SCRIB: variants seen among roughly 807,000 people sequenced by gnomAD.
SCRIB encodes the protein scribble planar cell polarity protein, also known as protein scribble homolog.
In SCRIB, 72 loss-of-function variants were observed where a neutral mutation model predicts 170.0. The ratio of observed to expected loss-of-function variants is 0.42; its 90% CI spans 0.35 to 0.52. The LOEUF (loss-of-function observed/expected upper bound fraction) is 0.52, where lower values mean the gene tolerates loss of function less well. SCRIB is among the 20% of genes least tolerant of loss of function. SCRIB has a pLI of 0.02. For missense variants in SCRIB, 2,475 were observed against 2,338.5 expected (o/e 1.06, Z -1.20); for synonymous variants, 1,298 against 1,044.3 (o/e 1.24, Z -4.68).
chr8:143,801,252 G>T (rs1554634936), intron 24 of SCRIB, among the ~76,000 whole-genome samples: 1 of 152,192 alleles, frequency 6.6e-6, no homozygotes, highest in Non-Finnish European at 1.5e-5. Context: ...TCCAGGGCTG[G>T]GCATGGGGAC....
chr8:143,796,615 G>A (rs1554634157), intron 24 of SCRIB, among the ~76,000 whole-genome samples: 1 of 152,184 alleles, frequency 6.6e-6, no homozygotes, highest in Non-Finnish European at 1.5e-5. Context: ...CGCTCAACAA[G>A]GAAGCAGCTA....
Position 143,804,747 on chromosome 8 carries a change from G to A in SCRIB, c.2830C>T (p.Leu944=), listed in dbSNP as rs1162533023. The change falls in exon 21 of 37, where the codon CTG becomes TTG. Residue 944 remains leucine (L), a synonymous_variant. Coordinates refer to ENST00000356994, the MANE Select transcript of SCRIB (RefSeq NM_182706.5). The part of the protein sequence containing the change: ...LLTAASPTIA[L]LLEREAGGPL... The stretch of plus-strand genomic sequence containing the variant: ...CCCCCAGCCTCCCGCTCCAACAGCA[G>A]GGCGATGGTGGGGGAGGCAGCGGTC... 6 of 1,603,210 alleles carry A rather than the reference G, an allele frequency of 3.7e-6. No homozygotes were observed. In the African/African-American group the frequency reaches 6.7e-5, roughly 18 times the overall value.
intron 28 of SCRIB, 107 bp from the exon 29 acceptor site, chr8:143,793,190 A>G: frequency 1.7e-6 from 1 of 599,260 alleles, no homozygotes; most frequent in South Asian, 2.8e-5. Flanking sequence ...CCTGCCTTTG[A>G]TCCCCACCCA....
Position 143,805,354 on chromosome 8 carries a change from G to A in SCRIB, c.2428C>T (p.Arg810Ter). Residue 810 changes from arginine (R) to a stop codon, truncating the protein, a stop_gained, in exon 19 of 37, where the codon CGA becomes TGA. Transcript: ENST00000356994. LOFTEE classifies it high-confidence loss of function. ...LRGAGTAVQM[R>*]VWRERMVEPE... ...TCCACCATGCGCTCCCGCCACACTC[G>A]CATCTGCACGGCAGTGCCGGCCCCC... The A allele has an allele frequency of 6.4e-7, 1 of 1,551,806 alleles. No homozygotes were observed. The highest frequency in any genetic ancestry group is 8.7e-7 in the Non-Finnish European group (1 of 1,154,754).
rs1361424640 is a variant in SCRIB at position 143,791,748 on chromosome 8, G to T, written c.4696-8C>A. 1 of 1,596,004 alleles carries T rather than the reference G, an allele frequency of 6.3e-7. No individual in the cohort carries two copies. The highest frequency in any genetic ancestry group is 8.6e-7 in the Non-Finnish European group (1 of 1,166,024). On this transcript the variant is annotated splice_polypyrimidine_tract_variant and splice_region_variant and intron_variant, in intron 34 of 36. Coordinates refer to ENST00000356994, the MANE Select transcript of SCRIB (RefSeq NM_182706.5). ...CTTCTTTCCAGACAAGGGCTTGAAA[G>T]GACAGCGTGAGGGGAGAGGCAGAGA...
In SCRIB at chr8:143,815,098, T is replaced by C. The variant is rs1377437749; in HGVS notation, c.159+116A>G. On this transcript the variant is annotated intron_variant, in intron 1 of 36. Coordinates refer to ENST00000356994, the MANE Select transcript of SCRIB (RefSeq NM_182706.5). ...CTGGCTGGGGTGGGGACCTGGCCAG[T>C]GCAAACCAGCAGGGCCGGCTGGAGG... The C allele has an allele frequency of 3.3e-5, 42 of 1,268,770 alleles. No individual in the cohort carries two copies. In the East Asian group the frequency reaches 1.3e-3, roughly 38 times the overall value. 78.6% of individuals were successfully genotyped at this position (1,268,770 alleles called of 1,614,324 possible). A position where few individuals can be genotyped will look rare whatever the true frequency, so the allele number is the denominator to read the frequency against.
rs1554633172 is a variant in SCRIB at position 143,792,638 on chromosome 8, GC to G, written c.4178-4del. 1.3e-6 allele frequency: 2 copies of G among 1,593,496 alleles called. No homozygotes were observed. The highest frequency in any genetic ancestry group is 1.7e-6 in the Non-Finnish European group (2 of 1,177,326). ...TCTCTTCTGCTGTAGTTTTCTGGCT[GC>G]CGGAGGGCAGGGTGGGTCAGGCCAG... On this transcript the variant is annotated splice_region_variant and splice_polypyrimidine_tract_variant and intron_variant, in intron 30 of 36. Transcript: ENST00000356994.
chr8:143,803,266 C>T (rs1815249062), intron 24 of SCRIB, 117 bp downstream of exon 24: 2 of 995,944 alleles, frequency 2.0e-6, no homozygotes, highest in Non-Finnish European at 2.9e-6. Flanking sequence ...AGCCGCAGAG[C>T]ACCGCCCAGA....
In SCRIB at chr8:143,792,396, C is replaced by T. The variant is rs782167207; in HGVS notation, c.4338G>A (p.Pro1446=). 2.1e-4 allele frequency: 315 copies of T among 1,498,892 alleles called. 5 individuals carry two copies. In the South Asian group the frequency reaches 3.7e-3, roughly 17 times the overall value. 92.8% of individuals were successfully genotyped at this position (1,498,892 alleles called of 1,614,324 possible). A position where few individuals can be genotyped will look rare whatever the true frequency, so the allele number is the denominator to read the frequency against. The part of the protein sequence containing the change: ...ASPSPTSRQS[P]ASPPPLGGGA... ...CACCTCCCAGGGGTGGGGGGGACGCCGGGCTCTGCCTGGGGAAGGGACAGG... is the reference window on the plus strand; with the variant it reads ...CACCTCCCAGGGGTGGGGGGGACGCTGGGCTCTGCCTGGGGAAGGGACAGG... Residue 1446 remains proline (P), a synonymous_variant, in exon 32 of 37, where the codon CCG becomes CCA. Coordinates refer to ENST00000356994, the MANE Select transcript of SCRIB (RefSeq NM_182706.5).
rs1820074085 is a variant in SCRIB at position 143,791,422 on chromosome 8, C to A, written c.4789G>T (p.Glu1597Ter). ...YDIQSPDFAE[E>*]LRSLEPSPSP... ...GGAGATGGTTCCAGGGACCTCAACTCCTCAGCAAAGTCCGGTGACTGTGAT... is the reference window on the plus strand; with the variant it reads ...GGAGATGGTTCCAGGGACCTCAACTACTCAGCAAAGTCCGGTGACTGTGAT... Residue 1597 changes from glutamate (E) to a stop codon, truncating the protein, a stop_gained, in exon 36 of 37, where the codon GAG (glutamate) becomes TAG (stop). Transcript: ENST00000356994. LOFTEE classifies it high-confidence loss of function. The A allele has an allele frequency of 1.9e-6, 3 of 1,611,112 alleles. No individual in the cohort carries two copies. Among genetic ancestry groups the A allele is most frequent in the African/African-American group, 1.3e-5 (1 of 74,866 alleles).
chr8:143,795,128 A>T lies in SCRIB; in HGVS notation c.3772-16T>A. ...GACCCCGACCCTGGGGGCAGAGTGA[A>T]CACAGCACTAGCAGGGGTAGCTCCG... On this transcript the variant is annotated splice_polypyrimidine_tract_variant and intron_variant, in intron 26 of 36. Transcript: ENST00000356994. 6.2e-7 allele frequency: 1 copy of T among 1,610,028 alleles called. No individual in the cohort carries two copies. Among genetic ancestry groups the T allele is most frequent in the Non-Finnish European group, 8.5e-7 (1 of 1,178,132 alleles).
At chr8:143,801,319 C>A (rs1815163218) in intron 24 of SCRIB, among the ~76,000 whole-genome samples, 1 of 152,222 alleles carries the variant, frequency 6.6e-6, no homozygotes, top group Non-Finnish European at 1.5e-5. Flanking sequence ...TCACCACACT[C>A]CAGCCTAGGC....
In SCRIB at chr8:143,814,055, G is replaced by A; in HGVS notation, c.223C>T (p.Pro75Ser). Reference protein sequence around the residue: ...GLSDNEIQRLPPEVANFMQLV... With the variant: ...GLSDNEIQRLSPEVANFMQLV... ...TGCATGAAGTTGGCCACCTCGGGAG[G>A]CAACCGCTGGATCTCGTTGTCGCTC... is the stretch of plus-strand genomic sequence containing the variant. The change falls in exon 2 of 37, where the codon CCT becomes TCT. Residue 75 changes from proline (P) to serine (S), a missense_variant. Physicochemically the swap from Pro to Ser is moderately conservative, Grantham distance 74. This residue lies in a region of SCRIB where 487 missense variants were observed against 558.1 expected (regional missense o/e 0.87). Coordinates refer to ENST00000356994, the MANE Select transcript of SCRIB (RefSeq NM_182706.5). The A allele has an allele frequency of 6.4e-7, 1 of 1,558,874 alleles. No individual in the cohort carries two copies. The highest frequency in any genetic ancestry group is 1.9e-5 in the Admixed American group (1 of 52,108).
intron 29 of SCRIB, 49 bp from the exon 30 acceptor site, chr8:143,792,916 GGGGCCCCC>G: frequency 6.7e-7 from 1 of 1,500,490 alleles, no homozygotes; most frequent in South Asian, 1.3e-5. Context: ...CCGAGATACT[GGGGCCCCC>G]GGGCACCCAC....
At chr8:143,803,292 G>A (rs1229752043) in intron 24 of SCRIB, 91 bp downstream of exon 24, 4 of 1,257,658 alleles carry the variant, frequency 3.2e-6, no homozygotes, top group Non-Finnish European at 4.3e-6. Context: ...AGGCACAGGG[G>A]ACCCGTCGCC....
In SCRIB at chr8:143,799,429, A is replaced by C. The variant is rs532764366; in HGVS notation, c.3604-3899T>G. Reference sequence around the variant, plus strand: ...AACACACAGGACCCTGGTCAGCGTGACCAGGAGGAAGAGGATGCGGACAGC... The same window carrying C: ...AACACACAGGACCCTGGTCAGCGTGCCCAGGAGGAAGAGGATGCGGACAGC... On this transcript the variant is annotated intron_variant, in intron 24 of 36. Transcript: ENST00000356994. Among the ~76,000 whole-genome samples the C allele has an allele frequency of 2.6e-5, 4 of 152,346 alleles. No individual in the cohort carries two copies. The East Asian group carries it at 7.7e-4, about 29-fold the overall frequency.
chr8:143,812,088 C>T lies in SCRIB; in HGVS notation c.906+178G>A, dbSNP rs139949790. ...GGCAAAGGCCCCTGCCCTGGCCTCACTGCCCCGCCTCACCTCCGGCCAGCA... is the reference window on the plus strand; with the variant it reads ...GGCAAAGGCCCCTGCCCTGGCCTCATTGCCCCGCCTCACCTCCGGCCAGCA... On this transcript the variant is annotated intron_variant, in intron 9 of 36. Transcript: ENST00000356994. Among the ~76,000 whole-genome samples the T allele has an allele frequency of 8.1e-3, 1,238 of 152,300 alleles. 7 individuals carry two copies. The highest frequency in any genetic ancestry group is 0.012 in the Non-Finnish European group (818 of 68,000).
At chr8:143,795,371 G>A (rs782153743) in intron 25 of SCRIB, 38 bp from the exon 26 acceptor site, 56 of 1,612,524 alleles carry the variant, frequency 3.5e-5, no homozygotes, top group South Asian at 2.2e-4. Context: ...AGGCACCACC[G>A]GCCTCGGGCT....
chr8:143,795,558 G>C (rs1554633942), intron 24 of SCRIB, 28 bp from the exon 25 acceptor site: 12 of 1,572,424 alleles, frequency 7.6e-6, no homozygotes, highest in Admixed American at 7.0e-5. Flanking sequence ...GGCTAAGAAG[G>C]GGGGACTGCA....
Sources: allele counts gnomAD v4.1 joint callset (sites outside exome capture counted in the v4.1 genomes callset), GRCh38; gene constraint gnomAD v4.1.1; regional missense constraint gnomAD v4.1.1; transcripts MANE v1.5; gene names NCBI Gene and HGNC (gene_info 2026-07-23, HGNC 2026-07-21).